Variants in COIL observed in about 807,000 individuals in gnomAD.
The protein encoded by COIL is coilin.
Under a neutral mutation model 51.6 loss-of-function variants are expected in COIL, and 28 were observed. The observed-to-expected ratio is 0.54, with a 90% CI of 0.40 to 0.74. The LOEUF (loss-of-function observed/expected upper bound fraction) is 0.74, where lower values mean the gene tolerates loss of function less well. Among genes scored for constraint, COIL ranks in the 30% least tolerant of loss-of-function variants. The pLI is 0.00. For missense variants in COIL, 667 were observed against 685.9 expected (o/e 0.97, Z 0.31); for synonymous variants, 233 against 255.8 (o/e 0.91, Z 0.85).
intron 1 of COIL, among the ~76,000 whole-genome samples, chr17:56,958,633 A>G (rs8075461): frequency 0.17 from 26,242 of 152,224 alleles, 2,534 homozygotes; most frequent in African/African-American, 0.25. Context: ...CACATGATTC[A>G]TTAAAGTATA....
chr17:56,957,346 A>C (rs1330374176), intron 1 of COIL, among the ~76,000 whole-genome samples: 2 of 151,912 alleles, frequency 1.3e-5, no homozygotes, highest in Non-Finnish European at 2.9e-5. Flanking sequence ...ACCGCCAGAC[A>C]CAGTTGCTCA....
chr17:56,950,362 G>T lies in COIL; in HGVS notation c.880C>A (p.Leu294Met), dbSNP rs1395327067. The change falls in exon 2 of 7, where the codon CTG becomes ATG. Residue 294 changes from leucine (L) to methionine (M), a missense_variant. Transcript: ENST00000240316. ...AGGCTAAAGCCAAGTTTTATAGCCA[G>T]TTTGTCTGCAGTTGTATTTTTGGTA... Reference protein sequence around the residue: ...PSTKNTTADKLAIKLGFSLTP... With the variant: ...PSTKNTTADKMAIKLGFSLTP... The T allele has an allele frequency of 6.2e-7, 1 of 1,614,090 alleles. No individual in the cohort carries two copies.
chr17:56,942,274 G>C (rs1910164419), intron 5 of COIL, 151 bp from the exon 6 acceptor site: 6 of 658,960 alleles, frequency 9.1e-6, no homozygotes, highest in Non-Finnish European at 1.3e-5. Flanking sequence ...AGCACAGGGT[G>C]CTCAATACTG....
At chr17:56,959,153 T>C (rs1452596014) in intron 1 of COIL, among the ~76,000 whole-genome samples, 1 of 152,118 alleles carries the variant, frequency 6.6e-6, no homozygotes, top group Admixed American at 6.5e-5. Flanking sequence ...GAGACCAGCC[T>C]GGGCAACATG....
Position 56,951,001 on chromosome 17 carries a change from C to A in COIL, c.246-5G>T. The stretch of plus-strand genomic sequence containing the variant: ...CCTCTCTCTTCTAATTTAACTCTGT[C>A]AAAAGAACAAGAGAGAAAGCTAGAG... On this transcript the variant is annotated splice_region_variant and splice_polypyrimidine_tract_variant and intron_variant, in intron 1 of 6. Transcript: ENST00000240316. The A allele has an allele frequency of 6.3e-7, 1 of 1,592,924 alleles. No homozygotes were observed. Among genetic ancestry groups the A allele is most frequent in the South Asian group, 1.1e-5 (1 of 88,538 alleles).
intron 4 of COIL, among the ~76,000 whole-genome samples, chr17:56,946,979 C>A (rs937627933): frequency 6.6e-6 from 1 of 152,142 alleles, no homozygotes; most frequent in African/African-American, 2.4e-5. Context: ...TCACAACCCC[C>A]CAGGAGAAAC....
At position 56,950,040 on chromosome 17, in the gene COIL, A is replaced by G; in HGVS notation, c.1202T>C (p.Leu401Pro). Residue 401 changes from leucine to proline, a missense_variant, in exon 2 of 7, where the codon CTT (leucine) becomes CCT (proline). Leu to Pro is a moderately conservative substitution (Grantham distance 98, BLOSUM62 -3). Coordinates refer to ENST00000240316, the MANE Select transcript of COIL (RefSeq NM_004645.3). ...LGRGWGREENLFSWKGAKGRG... is the reference protein window; with the variant it reads ...LGRGWGREENPFSWKGAKGRG... ...TCCCTTAGCTCCCTTCCAAGAAAAA[A>G]GGTTCTCTTCTCTACCCCATCCTCT... 6.2e-7 allele frequency: 1 copy of G among 1,614,014 alleles called. No homozygotes were observed. The highest frequency in any genetic ancestry group is 8.5e-7 in the Non-Finnish European group (1 of 1,180,008).
In COIL at chr17:56,950,552, G is replaced by A. The variant is rs1243691148; in HGVS notation, c.690C>T (p.Ala230=). 3.7e-6 allele frequency: 6 copies of A among 1,614,154 alleles called. No homozygotes were observed. The South Asian group carries it at 6.6e-5, about 18-fold the overall frequency. ...AAACGCTTACACTACCTTTCCTTTT[G>A]GCTTTAACAAGGCTGTTTCTAGCAG... ...KGSARNSLVK[A]KRKGSVSVCS... Residue 230 remains alanine (A), a synonymous_variant, in exon 2 of 7, where the codon GCC becomes GCT. Transcript: ENST00000240316.
intron 1 of COIL, chr17:56,951,397 T>C (rs562333457): frequency 4.0e-4 from 66 of 163,714 alleles, no homozygotes; most frequent in Non-Finnish European, 6.6e-4. Context: ...ACTCACAATC[T>C]TTCTACAATA....
chr17:56,959,492 A>AT (rs1489528063), intron 1 of COIL, among the ~76,000 whole-genome samples: 1 of 152,166 alleles, frequency 6.6e-6, no homozygotes, highest in Non-Finnish European at 1.5e-5. Flanking sequence ...TCTCATTATC[A>AT]TTTTTTTAAC....
chr17:56,939,740 G>A (rs1910110803), intron 6 of COIL, among the ~76,000 whole-genome samples: 1 of 151,544 alleles, frequency 6.6e-6, no homozygotes, highest in Admixed American at 6.6e-5. Flanking sequence ...ACTCTGTGCT[G>A]GGAAAATAAA....
intron 1 of COIL, among the ~76,000 whole-genome samples, chr17:56,953,197 G>A (rs542731457): frequency 1.3e-5 from 2 of 151,942 alleles, no homozygotes; most frequent in East Asian, 1.9e-4. Context: ...GGATCACAAG[G>A]TCAGGAGATC....
chr17:56,953,238 C>T (rs552134635), intron 1 of COIL, among the ~76,000 whole-genome samples: 23 of 151,784 alleles, frequency 1.5e-4, no homozygotes, highest in East Asian at 3.9e-4. Flanking sequence ...AGTGAAACCC[C>T]GTCTCTACTA....
chr17:56,955,720 G>C (rs535572720), intron 1 of COIL, among the ~76,000 whole-genome samples: 4 of 152,274 alleles, frequency 2.6e-5, no homozygotes, highest in Non-Finnish European at 1.5e-5. Flanking sequence ...ATTTTTATTA[G>C]TACAATGAAT....
intron 5 of COIL, among the ~76,000 whole-genome samples, chr17:56,943,320 A>C (rs1910182911): frequency 6.6e-6 from 1 of 152,172 alleles, no homozygotes; most frequent in East Asian, 1.9e-4. Context: ...GGACATTTTC[A>C]TCCTTTTTGC....
chr17:56,949,004 T>A (rs1252567538), intron 4 of COIL, among the ~76,000 whole-genome samples: 1 of 152,166 alleles, frequency 6.6e-6, no homozygotes, highest in African/African-American at 2.4e-5. Flanking sequence ...CTGGGCATAG[T>A]GGCTCACACC....
rs1007468921 is a variant in COIL at position 56,950,508 on chromosome 17, C to T, written c.734G>A (p.Ser245Asn). ...ACAAGATTCAGACTCCGAGGAGGAA[C>T]TGGGACTCTCTTTTGAGCAAACGCT... ...SVSVCSKESP[S>N]SSSESESCDE... Residue 245 changes from serine (S) to asparagine (N), a missense_variant, in exon 2 of 7, where the codon AGT becomes AAT. By Grantham distance (46) the Ser-to-Asn change is conservative. Transcript: ENST00000240316. The T allele has an allele frequency of 1.2e-6, 2 of 1,614,218 alleles. No homozygotes were observed. Among genetic ancestry groups the T allele is most frequent in the East Asian group, 2.2e-5 (1 of 44,886 alleles).
intron 1 of COIL, among the ~76,000 whole-genome samples, chr17:56,951,246 CTCTAA>C (rs1284585146): frequency 1.1e-4 from 16 of 152,188 alleles, no homozygotes; most frequent in Admixed American, 9.8e-4. Flanking sequence ...ATACGTTTTT[CTCTAA>C]TCTAAACACC....
chr17:56,948,341 G>T (rs983371576), intron 4 of COIL, among the ~76,000 whole-genome samples: 2 of 151,236 alleles, frequency 1.3e-5, no homozygotes, highest in Non-Finnish European at 2.9e-5. Flanking sequence ...GGGTTTCACT[G>T]TGTTAGCCAG....
Sources: allele counts gnomAD v4.1 joint callset (sites outside exome capture counted in the v4.1 genomes callset), GRCh38; gene constraint gnomAD v4.1.1; transcripts MANE v1.5; gene names NCBI Gene and HGNC (gene_info 2026-07-23, HGNC 2026-07-21).